Variants in SNX29 observed in about 807,000 individuals in gnomAD.
The protein encoded by SNX29 is sorting nexin-29.
SNX29 carries 78 observed loss-of-function variants against 102.1 expected under a neutral mutation model. The ratio of observed to expected loss-of-function variants is 0.76; its 90% CI spans 0.64 to 0.92. SNX29 has a LOEUF of 0.92. SNX29 is among the 40% of genes least tolerant of loss of function. SNX29 has a pLI of 0.00. For synonymous variants in SNX29, 580 were observed against 414.5 expected (o/e 1.40, Z -4.85); for missense variants, 1,280 against 1,061.7 (o/e 1.21, Z -2.86).
At chr16:12,313,436 G>T (rs994867425) in intron 15 of SNX29, among the ~76,000 whole-genome samples, 1 of 152,304 alleles carries the variant, frequency 6.6e-6, no homozygotes, top group Non-Finnish European at 1.5e-5. Flanking sequence ...TCACCCCAGG[G>T]CCTTTATACC....
intron 13 of SNX29, among the ~76,000 whole-genome samples, chr16:12,152,420 G>A (rs2055340263): frequency 2.0e-5 from 3 of 152,168 alleles, no homozygotes; most frequent in Admixed American, 6.6e-5. Flanking sequence ...GCCTCAGATG[G>A]GCATGTGGGG....
At chr16:11,999,161 C>T in intron 1 of SNX29, 136 bp from the exon 2 acceptor site, 1 of 740,148 alleles carries the variant, frequency 1.4e-6, no homozygotes, top group East Asian at 2.7e-5. Flanking sequence ...AGCCAAACTT[C>T]ATTGTAATGA....
intron 13 of SNX29, among the ~76,000 whole-genome samples, chr16:12,155,330 T>C (rs1024519958): frequency 3.3e-5 from 5 of 152,172 alleles, no homozygotes; most frequent in African/African-American, 1.2e-4. Flanking sequence ...GTCGGTGGAT[T>C]CAGAAGAACA....
At chr16:12,028,112 C>T (rs1272256907) in intron 4 of SNX29, among the ~76,000 whole-genome samples, 4 of 152,190 alleles carry the variant, frequency 2.6e-5, no homozygotes, top group Non-Finnish European at 4.4e-5. Flanking sequence ...CCTGAGCTTT[C>T]AGTTCCAGCC....
intron 20 of SNX29, among the ~76,000 whole-genome samples, chr16:12,559,146 C>G (rs2078562163): frequency 6.6e-6 from 1 of 152,146 alleles, no homozygotes; most frequent in South Asian, 2.1e-4. Flanking sequence ...GGTCCCCAAC[C>G]CCTGGCCCAG....
intron 14 of SNX29, among the ~76,000 whole-genome samples, chr16:12,249,852 C>A (rs1333740966): frequency 6.6e-6 from 1 of 152,210 alleles, no homozygotes; most frequent in African/African-American, 2.4e-5. Flanking sequence ...CTCATGTATT[C>A]CTTTACTTAC....
chr16:12,017,797 G>A (rs1000999247), intron 3 of SNX29, among the ~76,000 whole-genome samples: 1 of 151,700 alleles, frequency 6.6e-6, no homozygotes, highest in Non-Finnish European at 1.5e-5. Flanking sequence ...TTGTGTTAAC[G>A]ACATTGGTTA....
At chr16:12,263,418 G>A (rs891528773) in intron 14 of SNX29, among the ~76,000 whole-genome samples, 7 of 152,170 alleles carry the variant, frequency 4.6e-5, no homozygotes, top group African/African-American at 9.7e-5. Flanking sequence ...GTGAGCCACC[G>A]TGCCTGGCCC....
At chr16:12,566,721 G>A (rs1190191629) in intron 20 of SNX29, among the ~76,000 whole-genome samples, 1 of 152,132 alleles carries the variant, frequency 6.6e-6, no homozygotes, top group African/African-American at 2.4e-5. Flanking sequence ...TTTGAAGAGA[G>A]GATCATGTTT....
intron 14 of SNX29, among the ~76,000 whole-genome samples, chr16:12,238,575 T>C (rs2078008518): frequency 2.0e-5 from 3 of 152,324 alleles, no homozygotes; most frequent in South Asian, 2.1e-4. Context: ...CCGCCCGCCT[T>C]GGCCTCCCAG....
At chr16:12,235,274 G>T (rs779184726) in intron 14 of SNX29, among the ~76,000 whole-genome samples, 1 of 152,016 alleles carries the variant, frequency 6.6e-6, no homozygotes, top group Non-Finnish European at 1.5e-5. Context: ...CTTCACCAAC[G>T]TGCCCCAGAG....
intron 18 of SNX29, among the ~76,000 whole-genome samples, chr16:12,458,351 T>C (rs2432628): frequency 0.53 from 81,013 of 151,900 alleles, 22,688 homozygotes; most frequent in East Asian, 0.68. Context: ...GAGGCAGAAG[T>C]CTTCTGGAGA....
chr16:12,540,141 A>T (rs1328615200), intron 20 of SNX29, among the ~76,000 whole-genome samples: 1 of 151,498 alleles, frequency 6.6e-6, no homozygotes, highest in African/African-American at 2.5e-5. Context: ...TCAAAGTTTT[A>T]TAGCTTTACA....
chr16:12,539,789 T>C (rs2077242438), intron 20 of SNX29, among the ~76,000 whole-genome samples: 2 of 152,334 alleles, frequency 1.3e-5, no homozygotes, highest in South Asian at 4.1e-4. Flanking sequence ...AGTAATGATG[T>C]TGAGCATATT....
In SNX29 at chr16:12,051,805, C is replaced by T. The variant is rs144768327; in HGVS notation, c.749-42C>T. On this transcript the variant is annotated intron_variant, in intron 7 of 20. Transcript: ENST00000566228. ...TGGTTCCATCATCCTTTTGTCTTGC[C>T]TCCTTTTTCTTATACTGTATCTTTT... is the stretch of plus-strand genomic sequence containing the variant. The T allele has an allele frequency of 1.7e-3, 2,720 of 1,587,282 alleles. 32 individuals are homozygous for T. In the African/African-American group the frequency reaches 0.031, roughly 18 times the overall value.
intron 20 of SNX29, among the ~76,000 whole-genome samples, chr16:12,551,013 C>G (rs1054831957): frequency 1.3e-5 from 2 of 152,086 alleles, no homozygotes; most frequent in African/African-American, 4.8e-5. Flanking sequence ...TCTTCTCTGG[C>G]CGAGTGATGG....
intron 20 of SNX29, chr16:12,546,156 G>C (rs1050249466): frequency 6.6e-6 from 1 of 152,134 alleles, no homozygotes. Flanking sequence ...CCTCCACCTG[G>C]TAACATAGGG....
chr16:12,042,859 C>G (rs753045258), intron 4 of SNX29, 38 bp from the exon 5 acceptor site: 1 of 1,572,606 alleles, frequency 6.4e-7, no homozygotes, highest in Non-Finnish European at 8.7e-7. Context: ...CTGAGTGCCC[C>G]AGGCCGAGTG....
intron 15 of SNX29, among the ~76,000 whole-genome samples, chr16:12,352,176 C>G (rs941821807): frequency 5.9e-5 from 9 of 152,146 alleles, no homozygotes; most frequent in Admixed American, 2.0e-4. Context: ...CCATGGAATA[C>G]TATGCAGCCA....
Sources: allele counts gnomAD v4.1 joint callset (sites outside exome capture counted in the v4.1 genomes callset), GRCh38; gene constraint gnomAD v4.1.1; transcripts MANE v1.5; gene names NCBI Gene and HGNC (gene_info 2026-07-23, HGNC 2026-07-21).